The following RAD51B variants were observed in gnomAD, a reference collection of about 807,000 sequenced individuals.
RAD51B encodes the protein DNA repair protein RAD51 homolog 2.
Under a neutral mutation model 42.2 loss-of-function variants are expected in RAD51B, and 38 were observed. The observed-to-expected ratio is 0.90, with a 90% CI of 0.70 to 1.18. The LOEUF (loss-of-function observed/expected upper bound fraction) is 1.18. Among genes scored for constraint, RAD51B ranks in the 50% most tolerant of loss-of-function variants. The pLI is 0.00. For missense variants in RAD51B, 373 were observed against 400.7 expected (o/e 0.93, Z 0.59); for synonymous variants, 154 against 145.2 (o/e 1.06, Z -0.43).
intron 9 of RAD51B, among the ~76,000 whole-genome samples, chr14:68,451,100 C>T (rs1210415554): frequency 6.6e-6 from 1 of 152,194 alleles, no homozygotes; most frequent in African/African-American, 2.4e-5. Flanking sequence ...ATAGAATGCT[C>T]AGCCTGATGG....
intron 10 of RAD51B, among the ~76,000 whole-genome samples, chr14:68,648,065 A>G (rs1375622014): frequency 3.1e-5 from 4 of 129,676 alleles, no homozygotes; most frequent in Non-Finnish European, 1.7e-5. Context: ...GTGTGTGTAT[A>G]TATATATACA....
intron 11 of RAD51B, among the ~76,000 whole-genome samples, chr14:68,653,208 C>T (rs1029936315): frequency 6.6e-6 from 1 of 152,158 alleles, no homozygotes; most frequent in Non-Finnish European, 1.5e-5. Flanking sequence ...TTATTGAAAG[C>T]TGGGTGCCTC....
chr14:68,159,555 G>A (rs1292389949), intron 7 of RAD51B, among the ~76,000 whole-genome samples: 1 of 151,742 alleles, frequency 6.6e-6, no homozygotes, highest in Non-Finnish European at 1.5e-5. Flanking sequence ...GGGAGGTGGA[G>A]GTTGCAGTGA....
At chr14:68,644,155 C>A (rs1892519944) in intron 10 of RAD51B, among the ~76,000 whole-genome samples, 1 of 152,222 alleles carries the variant, frequency 6.6e-6, no homozygotes, top group African/African-American at 2.4e-5. Context: ...CTGCAACGAG[C>A]ATTTACTTGT....
intron 8 of RAD51B, among the ~76,000 whole-genome samples, chr14:68,341,789 G>A (rs906061936): frequency 6.6e-6 from 1 of 152,138 alleles, no homozygotes; most frequent in Non-Finnish European, 1.5e-5. Context: ...TACCCCAGTG[G>A]CAGGAAGACA....
At chr14:68,348,018 TGGTAAGGTCAGCAA>T (rs2082708556) in intron 8 of RAD51B, among the ~76,000 whole-genome samples, 1 of 152,124 alleles carries the variant, frequency 6.6e-6, no homozygotes, top group Non-Finnish European at 1.5e-5. Flanking sequence ...TGAAAAGTGC[TGGTAAGGTCAGCAA>T]GTACCTATCT....
chr14:68,106,515 A>G (rs1424223426), intron 7 of RAD51B, among the ~76,000 whole-genome samples: 1 of 151,912 alleles, frequency 6.6e-6, no homozygotes. Flanking sequence ...AAGTAAGTAA[A>G]AGTTAATTTA....
At chr14:67,935,397 C>T (rs1286387421) in intron 7 of RAD51B, among the ~76,000 whole-genome samples, 2 of 152,162 alleles carry the variant, frequency 1.3e-5, no homozygotes, top group Non-Finnish European at 2.9e-5. Flanking sequence ...GACAGTCTTG[C>T]TCTCTTGCCC....
chr14:68,379,073 C>T lies in RAD51B; in HGVS notation c.854-32351C>T, dbSNP rs538137555. 3.9e-5 allele frequency among the ~76,000 whole-genome samples: 6 copies of T among 152,192 alleles called. No individual in the cohort carries two copies. The East Asian group carries it at 7.7e-4, about 20-fold the overall frequency. On this transcript the variant is annotated intron_variant, in intron 8 of 10. Transcript: ENST00000471583. ...TGTGCTGCTTTATTGTTACTTGTTC[C>T]GGGAAATAACAAGTGGAGCTTCTCA... is the stretch of plus-strand genomic sequence containing the variant.
At chr14:68,122,676 C>T (rs917713516) in intron 7 of RAD51B, among the ~76,000 whole-genome samples, 1 of 152,110 alleles carries the variant, frequency 6.6e-6, no homozygotes, top group Non-Finnish European at 1.5e-5. Context: ...TAAGCAATTC[C>T]ACTTAAGGAA....
intron 7 of RAD51B, among the ~76,000 whole-genome samples, chr14:68,231,564 A>G (rs909903267): frequency 3.9e-5 from 6 of 152,234 alleles, no homozygotes; most frequent in Middle Eastern, 3.4e-3. Flanking sequence ...CCCCCTCCCA[A>G]CCATGCCAGT....
At chr14:67,985,766 T>C (rs1212029472) in intron 7 of RAD51B, among the ~76,000 whole-genome samples, 3 of 151,494 alleles carry the variant, frequency 2.0e-5, no homozygotes, top group Admixed American at 2.0e-4. Flanking sequence ...AAAAATTAGC[T>C]TGGTGTGGTG....
chr14:67,883,420 T>C (rs974890712), intron 5 of RAD51B, among the ~76,000 whole-genome samples: 3 of 152,040 alleles, frequency 2.0e-5, no homozygotes, highest in Non-Finnish European at 4.4e-5. Flanking sequence ...TCCCTCTTAC[T>C]CTCTGTGTTC....
intron 10 of RAD51B, among the ~76,000 whole-genome samples, chr14:68,603,211 T>G (rs758533632): frequency 2.0e-5 from 3 of 152,170 alleles, no homozygotes; most frequent in Non-Finnish European, 2.9e-5. Context: ...GTGGGTTAAT[T>G]TTATTCTCTT....
intron 7 of RAD51B, among the ~76,000 whole-genome samples, chr14:68,142,881 T>A (rs2078157242): frequency 6.6e-6 from 1 of 151,892 alleles, no homozygotes; most frequent in Non-Finnish European, 1.5e-5. Flanking sequence ...TCAGAACACA[T>A]CACAGTTTTT....
intron 7 of RAD51B, among the ~76,000 whole-genome samples, chr14:68,003,291 T>C (rs2075521276): frequency 6.6e-6 from 1 of 152,212 alleles, no homozygotes; most frequent in Non-Finnish European, 1.5e-5. Context: ...CAATTGTGAA[T>C]GGGAGTTCAT....
chr14:68,352,905 G>A (rs958258798), intron 8 of RAD51B, among the ~76,000 whole-genome samples: 4 of 152,034 alleles, frequency 2.6e-5, no homozygotes, highest in Non-Finnish European at 4.4e-5. Context: ...GGTCTGGCAC[G>A]GTCGGGGGAA....
chr14:68,680,338 G>A (rs541162380), intron 11 of RAD51B, among the ~76,000 whole-genome samples: 26 of 152,170 alleles, frequency 1.7e-4, no homozygotes, highest in Non-Finnish European at 3.7e-4. Context: ...AGTATACTAC[G>A]CTACAGTCTT....
chr14:68,532,509 A>G (rs887512550), intron 10 of RAD51B, among the ~76,000 whole-genome samples: 1 of 152,348 alleles, frequency 6.6e-6, no homozygotes, highest in South Asian at 2.1e-4. Context: ...TAGAAAAGTA[A>G]ATTTTGAAAG....
Sources: gnomAD v4.1 joint callset for allele counts (sites outside exome capture counted in the v4.1 genomes callset) on GRCh38, gnomAD v4.1.1 for gene constraint, MANE v1.5 for transcripts, NCBI Gene and HGNC (gene_info 2026-07-23, HGNC 2026-07-21) for gene names.